NSUN4: variants seen among roughly 807,000 people sequenced by gnomAD.
NSUN4 encodes the protein 5-cytosine rRNA methyltransferase NSUN4.
NSUN4 carries 31 observed loss-of-function variants against 43.8 expected under a neutral mutation model. The observed-to-expected ratio is 0.71, with a 90% CI of 0.53 to 0.96. NSUN4 has a LOEUF of 0.96. Among genes scored for constraint, NSUN4 ranks in the 40% least tolerant of loss-of-function variants. The pLI is 0.00. For missense variants in NSUN4, 439 were observed against 475.6 expected (o/e 0.92, Z 0.72); for synonymous variants, 167 against 184.1 (o/e 0.91, Z 0.75).
downstream of NSUN4, among the ~76,000 whole-genome samples, chr1:46,366,727 A>AAAG (rs1553178524): frequency 0.018 from 2,275 of 127,450 alleles, 79 homozygotes; most frequent in Non-Finnish European, 0.027. Flanking sequence ...AAAAAAAAAA[A>AAAG]AAGTGGGTAG....
the NSUN4 span, among the ~76,000 whole-genome samples, chr1:46,371,219 C>T: frequency 4.8e-4 from 73 of 151,766 alleles, 1 homozygote; most frequent in South Asian, 0.014. Flanking sequence ...TCACTGACTC[C>T]CAGGTTCAAG....
chr1:46,352,783 T>C, intron 3 of NSUN4, 85 bp from the exon 4 acceptor site: 1 of 1,346,452 alleles, frequency 7.4e-7, no homozygotes, highest in Non-Finnish European at 1.0e-6. Flanking sequence ...TGGGACTACC[T>C]GAGAATTGGT....
rs1314106038 is a variant in NSUN4, at chr1:46,363,547, C to G, written c.*1701C>G. 6.6e-6 allele frequency: 1 copy of G among 152,242 alleles called. No individual in the cohort carries two copies. The highest frequency in any genetic ancestry group is 2.4e-5 in the African/African-American group (1 of 41,460). 9.4% of individuals were successfully genotyped at this position (152,242 alleles called of 1,614,324 possible). A position where few individuals can be genotyped will look rare whatever the true frequency, so the allele number is the denominator to read the frequency against. ...AAAAGCAGAGAACTACTTTGGAAAA[C>G]AGTTTATCTGCTGTAATTGAACATT... is the stretch of plus-strand genomic sequence containing the variant. On this transcript the variant is annotated 3_prime_UTR_variant, in exon 6 of 6. Transcript: ENST00000474844.
Position 46,362,131 on chromosome 1 carries a change from G to T in NSUN4, c.*285G>T. 2.2e-6 allele frequency: 1 copy of T among 459,014 alleles called. No homozygotes were observed. Among genetic ancestry groups the T allele is most frequent in the Non-Finnish European group, 3.9e-6 (1 of 253,708 alleles). The allele number at this position is 459,014 out of a possible 1,614,324, so 28.4% of individuals were successfully genotyped here. A position where few individuals can be genotyped will look rare whatever the true frequency, so the allele number is the denominator to read the frequency against. ...GCTTAGAAGGAGAAGCCAGTGAGCA[G>T]GCTCACACTAAGTTGTAAACATAGG... On this transcript the variant is annotated 3_prime_UTR_variant, in exon 6 of 6. Transcript: ENST00000474844.
Position 46,345,137 on chromosome 1 carries a change from C to T in NSUN4, c.430C>T (p.Pro144Ser), listed in dbSNP as rs759043386. Residue 144 changes from proline (P) to serine (S), a missense_variant, in exon 2 of 6, where the codon CCT (proline) becomes TCT (serine). Transcript: ENST00000474844. ...FDRGDISRFP[P>S]ARPGSLGVME... The stretch of plus-strand genomic sequence containing the variant: ...CAGAGGGGATATCAGTCGCTTCCCT[C>T]CTGCCAGGTAGGATCTGGAGCCATG... 3.7e-6 allele frequency: 6 copies of T among 1,601,086 alleles called. No homozygotes were observed. Among genetic ancestry groups the T allele is most frequent in the Non-Finnish European group, 4.3e-6 (5 of 1,173,812 alleles).
chr1:46,346,113 C>T (rs537278752), intron 2 of NSUN4, among the ~76,000 whole-genome samples: 22 of 140,838 alleles, frequency 1.6e-4, no homozygotes, highest in African/African-American at 5.9e-4. Context: ...ATCGTGCCAC[C>T]GTACTCCAGT....
chr1:46,374,956 CAT>C, the NSUN4 span, among the ~76,000 whole-genome samples: 27 of 151,536 alleles, frequency 1.8e-4, no homozygotes, highest in Non-Finnish European at 3.1e-4. Flanking sequence ...ATGAGTAATG[CAT>C]ATGTTATTAC....
chr1:46,343,207 T>C, intron 1 of NSUN4: 1 of 266,218 alleles, frequency 3.8e-6, no homozygotes. Flanking sequence ...ATTGTGCCCC[T>C]GTGTGACACC....
chr1:46,359,379 C>G, intron 4 of NSUN4, among the ~76,000 whole-genome samples: 1 of 148,280 alleles, frequency 6.7e-6, no homozygotes, highest in East Asian at 2.0e-4. Flanking sequence ...CTGTAGTAAG[C>G]TTTTTTTTTT....
chr1:46,341,541 A>G, intron 1 of NSUN4: 9 of 1,117,924 alleles, frequency 8.1e-6, no homozygotes, highest in Non-Finnish European at 9.8e-6. Flanking sequence ...TTGCTTCTCC[A>G]GAGACCCTTT....
rs947993928 is a variant in NSUN4 at position 46,362,150 on chromosome 1, A to G, written c.*304A>G. On this transcript the variant is annotated 3_prime_UTR_variant, in exon 6 of 6. Coordinates refer to ENST00000474844, the MANE Select transcript of NSUN4 (RefSeq NM_199044.4). ...TGAGCAGGCTCACACTAAGTTGTAA[A>G]CATAGGAGAAGCATTTGGCCAATAA... 3.9e-5 allele frequency: 15 copies of G among 385,364 alleles called. No homozygotes were observed. Among genetic ancestry groups the G allele is most frequent in the Non-Finnish European group, 6.6e-5 (14 of 210,694 alleles). 23.9% of individuals were successfully genotyped at this position (385,364 alleles called of 1,614,324 possible).
chr1:46,378,627 T>C, the NSUN4 span, among the ~76,000 whole-genome samples: 7 of 152,350 alleles, frequency 4.6e-5, no homozygotes, highest in African/African-American at 1.2e-4. Context: ...GATCAGGAGA[T>C]GTATCAGTTA....
chr1:46,383,416 A>G, the NSUN4 span, among the ~76,000 whole-genome samples: 4 of 148,442 alleles, frequency 2.7e-5, no homozygotes, highest in African/African-American at 1.0e-4. Context: ...TGTGAACCCA[A>G]TCTGTCACTG....
chr1:46,364,307 A>G lies in NSUN4; in HGVS notation c.*2461A>G, dbSNP rs1664050574. On this transcript the variant is annotated 3_prime_UTR_variant, in exon 6 of 6. Coordinates refer to ENST00000474844, the MANE Select transcript of NSUN4 (RefSeq NM_199044.4). ...CGTTTTGTGCCACTGCACTCCAGCC[A>G]GGGTGACAGAGTGAGACTCTGTCTC... The G allele has an allele frequency of 8.3e-6, 1 of 120,158 alleles. No homozygotes were observed. Among genetic ancestry groups the G allele is most frequent in the Admixed American group, 1.1e-4 (1 of 9,164 alleles). 7.4% of individuals were successfully genotyped at this position (120,158 alleles called of 1,614,324 possible). A position where few individuals can be genotyped will look rare whatever the true frequency, so the allele number is the denominator to read the frequency against.
chr1:46,353,098 AG>A, intron 4 of NSUN4, 70 bp downstream of exon 4: 1 of 1,431,676 alleles, frequency 7.0e-7, no homozygotes, highest in Non-Finnish European at 9.8e-7. Context: ...CTAGGGCCTG[AG>A]GGGTTAGGAT....
At chr1:46,343,170 C>T in intron 1 of NSUN4, 1 of 390,004 alleles carries the variant, frequency 2.6e-6, no homozygotes, top group Non-Finnish European at 4.5e-6. Context: ...GTCTGGCTCC[C>T]TCAATCATTC....
At chr1:46,351,993 A>C (rs1406303575) in intron 3 of NSUN4, among the ~76,000 whole-genome samples, 1 of 151,008 alleles carries the variant, frequency 6.6e-6, no homozygotes, top group East Asian at 2.0e-4. Flanking sequence ...AATTATTTAA[A>C]TATATTTTTA....
intron 1 of NSUN4, chr1:46,342,964 C>G: frequency 5.0e-6 from 2 of 399,536 alleles, no homozygotes; most frequent in Non-Finnish European, 8.8e-6. Context: ...GAACTTCCCC[C>G]AGGGACTACC....
At chr1:46,342,246 A>G in intron 1 of NSUN4, 1 of 399,380 alleles carries the variant, frequency 2.5e-6, no homozygotes, top group Non-Finnish European at 4.4e-6. Context: ...ACCTACTGGC[A>G]GCTTTTACCA....
Sources: gnomAD v4.1 joint callset for allele counts (sites outside exome capture counted in the v4.1 genomes callset) on GRCh38, gnomAD v4.1.1 for gene constraint, MANE v1.5 for transcripts, NCBI Gene and HGNC (gene_info 2026-07-23, HGNC 2026-07-21) for gene names.